The following HCRTR1 variants were observed in gnomAD, a reference collection of about 807,000 sequenced individuals.
HCRTR1 encodes orexin/Hypocretin receptor type 1.
A neutral mutation model predicts 40.6 loss-of-function variants in HCRTR1; 28 were observed. The observed-to-expected ratio is 0.69, with a 90% confidence interval of 0.51 to 0.95. The LOEUF (loss-of-function observed/expected upper bound fraction) is 0.95. Ranked by LOEUF, HCRTR1 falls within the 40% of genes least tolerant of loss-of-function variation. The probability of loss-of-function intolerance (pLI) is 0.00; values close to 1 mark genes in which losing one functional copy is unlikely to be tolerated. For synonymous variants in HCRTR1, 209 were observed against 230.0 expected (o/e 0.91, Z 0.83); for missense variants, 482 against 564.7 (o/e 0.85, Z 1.48).
chr1:31,627,204 G>A lies in HCRTR1; in HGVS notation c.*224G>A, dbSNP rs911138678. Reference sequence around the variant, plus strand: ...AGCTCCTTGTAAACTGTGAAGTGTTGTGGACATGATTATTGTTGTACTTCT... The same window carrying A: ...AGCTCCTTGTAAACTGTGAAGTGTTATGGACATGATTATTGTTGTACTTCT... On this transcript the variant is annotated 3_prime_UTR_variant, in exon 9 of 9. Coordinates refer to ENST00000403528, the MANE Select transcript of HCRTR1 (RefSeq NM_001525.3). The A allele has an allele frequency of 4.0e-6, 6 of 1,493,770 alleles. No homozygotes were observed. The Admixed American group carries it at 1.2e-4, about 31-fold the overall frequency. 92.5% of individuals were successfully genotyped at this position (1,493,770 alleles called of 1,614,324 possible).
rs771722669 is a variant in HCRTR1 at position 31,620,833 on chromosome 1, C to T, written c.379-10C>T. 2.0e-5 allele frequency: 32 copies of T among 1,611,330 alleles called. No individual in the cohort carries two copies. Among genetic ancestry groups the T allele is most frequent in the Middle Eastern group, 1.6e-4 (1 of 6,076 alleles). On this transcript the variant is annotated splice_polypyrimidine_tract_variant and intron_variant, in intron 4 of 8. Coordinates refer to ENST00000403528, the MANE Select transcript of HCRTR1 (RefSeq NM_001525.3). ...CCCAAAATGACCGACGTTGTGTCCCCGTGGGGCAGGCTGTGTCCGTGTCAG... is the reference window on the plus strand; with the variant it reads ...CCCAAAATGACCGACGTTGTGTCCCTGTGGGGCAGGCTGTGTCCGTGTCAG...
At chr1:31,619,816 A>G (rs1639814573) in intron 4 of HCRTR1, 106 bp downstream of exon 4, 2 of 1,053,734 alleles carry the variant, frequency 1.9e-6, no homozygotes, top group Admixed American at 5.5e-5. Flanking sequence ...CAGACAGGTC[A>G]GTGGCTCATG....
At chr1:31,618,987 C>A (rs1160932759) in intron 2 of HCRTR1, 64 bp from the exon 3 acceptor site, 2 of 587,032 alleles carry the variant, frequency 3.4e-6, no homozygotes, top group Non-Finnish European at 6.1e-6. Flanking sequence ...AAGCGCCTGG[C>A]ACAATCCCTA....
downstream of HCRTR1, chr1:31,632,213 C>G: frequency 1.6e-6 from 1 of 617,598 alleles, no homozygotes; most frequent in East Asian, 2.8e-5. Context: ...CTTAAGGTGC[C>G]AAGTTTCCAT....
rs2148609374 is a variant in HCRTR1, at chr1:31,621,481, C to T, written c.627C>T (p.Asp209=). The change falls in exon 6 of 9, where the codon GAC becomes GAT. Residue 209 remains aspartate (D), a synonymous_variant. Coordinates refer to ENST00000403528, the MANE Select transcript of HCRTR1 (RefSeq NM_001525.3). ...TGCATCTCTTGACCCCTGCAGATGACCTCTATCCCAAGATCTACCACAGTT... is the reference window on the plus strand; with the variant it reads ...TGCATCTCTTGACCCCTGCAGATGATCTCTATCCCAAGATCTACCACAGTT... ...FSVCDERWAD[D]LYPKIYHSCF... is the part of the protein sequence containing the mutation. 1 of 1,611,280 alleles carries T rather than the reference C, an allele frequency of 6.2e-7. No homozygotes were observed. Among genetic ancestry groups the T allele is most frequent in the Non-Finnish European group, 8.5e-7 (1 of 1,177,400 alleles).
At chr1:31,632,374 C>G, downstream of HCRTR1, 2 of 1,521,070 alleles carry the variant, frequency 1.3e-6, no homozygotes, top group Non-Finnish European at 1.8e-6. Context: ...GCACTGAGAA[C>G]AGCATTTTGT....
downstream of HCRTR1, chr1:31,632,325 C>T: frequency 8.5e-7 from 1 of 1,181,746 alleles, no homozygotes; most frequent in African/African-American, 1.5e-5. Flanking sequence ...TGGCTCAGTG[C>T]CCCAGCTGGG....
chr1:31,624,878 GGA>G, intron 7 of HCRTR1, 117 bp from the exon 8 acceptor site: 2 of 1,119,296 alleles, frequency 1.8e-6, no homozygotes, highest in Non-Finnish European at 2.4e-6. Context: ...CAGGAAACGT[GGA>G]CAGAAGTGGG....
chr1:31,633,144 A>G (rs1199151771), downstream of HCRTR1: 1 of 1,608,954 alleles, frequency 6.2e-7, no homozygotes, highest in East Asian at 2.2e-5. Context: ...GCCCAAGGGC[A>G]AGGCGGAGAC....
intron 5 of HCRTR1, 126 bp downstream of exon 5, chr1:31,621,212 G>GT: frequency 6.1e-6 from 8 of 1,312,624 alleles, no homozygotes; most frequent in Non-Finnish European, 7.2e-6. Flanking sequence ...TTTCCCTAGG[G>GT]GACACCCTAG....
At chr1:31,621,208 T>C (rs1159780597) in intron 5 of HCRTR1, 122 bp downstream of exon 5, 3 of 1,337,910 alleles carry the variant, frequency 2.2e-6, no homozygotes, top group East Asian at 2.5e-5. Context: ...GGTATTTCCC[T>C]AGGGGACACC....
rs1355570252 is a variant in HCRTR1 at position 31,627,550 on chromosome 1, C to T, written c.*570C>T. ...GCTTTGTGGTGTGATAAAACACTCT[C>T]CATGGCCACTTGGCAGAGAGGCCAG... On this transcript the variant is annotated 3_prime_UTR_variant, in exon 9 of 9. Coordinates refer to ENST00000403528, the MANE Select transcript of HCRTR1 (RefSeq NM_001525.3). 5.5e-6 allele frequency: 2 copies of T among 362,422 alleles called. No homozygotes were observed. The highest frequency in any genetic ancestry group is 1.1e-5 in the Non-Finnish European group (2 of 185,662). 22.5% of individuals were successfully genotyped at this position (362,422 alleles called of 1,614,324 possible).
Position 31,627,338 on chromosome 1 carries a change from T to C in HCRTR1, c.*358T>C. 7.6e-7 allele frequency: 1 copy of C among 1,313,776 alleles called. No homozygotes were observed. Among genetic ancestry groups the C allele is most frequent in the Non-Finnish European group, 9.9e-7 (1 of 1,005,040 alleles). 81.4% of individuals were successfully genotyped at this position (1,313,776 alleles called of 1,614,324 possible). On this transcript the variant is annotated 3_prime_UTR_variant, in exon 9 of 9. Transcript: ENST00000403528. ...CCAATTACAGGCCTTCCCTGGAGTC[T>C]GCTCTAAAGGTCCCAACAGGCATTT...
At chr1:31,633,386 A>G, downstream of HCRTR1, 2 of 1,465,886 alleles carry the variant, frequency 1.4e-6, no homozygotes, top group South Asian at 2.7e-5. Flanking sequence ...TCCTGGCTAC[A>G]GGTTTCTCCT....
Position 31,621,473 on chromosome 1 carries a change from G to T in HCRTR1, c.623-4G>T. Reference sequence around the variant, plus strand: ...CCTGACTCTGCATCTCTTGACCCCTGCAGATGACCTCTATCCCAAGATCTA... The same window carrying T: ...CCTGACTCTGCATCTCTTGACCCCTTCAGATGACCTCTATCCCAAGATCTA... On this transcript the variant is annotated splice_polypyrimidine_tract_variant and splice_region_variant and intron_variant, in intron 5 of 8. Coordinates refer to ENST00000403528, the MANE Select transcript of HCRTR1 (RefSeq NM_001525.3). The T allele has an allele frequency of 6.2e-7, 1 of 1,604,762 alleles. No homozygotes were observed. The highest frequency in any genetic ancestry group is 8.5e-7 in the Non-Finnish European group (1 of 1,171,568).
chr1:31,619,535 G>A lies in HCRTR1; in HGVS notation c.203G>A (p.Cys68Tyr). Residue 68 changes from cysteine (C) to tyrosine (Y), a missense_variant, in exon 4 of 9, where the codon TGC (cysteine) becomes TAC (tyrosine). Physicochemically the swap from Cys to Tyr is radical, Grantham distance 194. Coordinates refer to ENST00000403528, the MANE Select transcript of HCRTR1 (RefSeq NM_001525.3). ...TTCACCTCGCTGCACCCTGCAGTCTGCCTGGCCGTGTGGCGGAACCACCAC... is the reference window on the plus strand; with the variant it reads ...TTCACCTCGCTGCACCCTGCAGTCTACCTGGCCGTGTGGCGGAACCACCAC... ...VVALVGNTLV[C>Y]LAVWRNHHMR... 1 of 1,613,988 alleles carries A rather than the reference G, an allele frequency of 6.2e-7. No homozygotes were observed.
At position 31,625,673 on chromosome 1, in the gene HCRTR1, A is replaced by C. The variant is rs1639962314; in HGVS notation, c.1087+555A>C. 1.3e-5 allele frequency among the ~76,000 whole-genome samples: 2 copies of C among 149,480 alleles called. No individual in the cohort carries two copies. Among genetic ancestry groups the C allele is most frequent in the Admixed American group, 6.6e-5 (1 of 15,042 alleles). On this transcript the variant is annotated intron_variant, in intron 8 of 8. Coordinates refer to ENST00000403528, the MANE Select transcript of HCRTR1 (RefSeq NM_001525.3). This position sits in a 1 kb window ranked among gnomAD's most constrained non-coding sequence, Gnocchi z 4.2. The stretch of plus-strand genomic sequence containing the variant: ...GAAGTCTTCCTCCCCTGCCACCCCC[A>C]CTCCCACTCCAGGCCTCTCCTCTCT...
rs986728257 is a variant in HCRTR1 at position 31,626,920 on chromosome 1, C to T, written c.1218C>T (p.Cys406=). 6.2e-7 allele frequency: 1 copy of T among 1,613,936 alleles called. No homozygotes were observed. The highest frequency in any genetic ancestry group is 1.7e-5 in the Admixed American group (1 of 60,032). Residue 406 remains cysteine, a synonymous_variant, in exon 9 of 9, where the codon TGC becomes TGT. Coordinates refer to ENST00000403528, the MANE Select transcript of HCRTR1 (RefSeq NM_001525.3). The surrounding 1 kb of genome is among the most constrained non-coding windows in gnomAD (Gnocchi z 4.6). ...AGTCCTTGTCCTTGCAGAGCCGATG[C>T]TCCATCTCCAAAATCTCTGAGCATG... ...SHKSLSLQSR[C]SISKISEHVV...
chr1:31,621,445 G>A (rs1291196256), intron 5 of HCRTR1, 32 bp from the exon 6 acceptor site: 1 of 1,504,648 alleles, frequency 6.6e-7, no homozygotes, highest in Non-Finnish European at 9.3e-7. Flanking sequence ...CTCACGGATT[G>A]GGCCTGACTC....
Sources: allele counts gnomAD v4.1 joint callset (sites outside exome capture counted in the v4.1 genomes callset), GRCh38; gene constraint gnomAD v4.1.1; non-coding constraint Gnocchi (gnomAD v3.1); transcripts MANE v1.5; gene names NCBI Gene and HGNC (gene_info 2026-07-23, HGNC 2026-07-21).